The following CEP72 variants were observed in gnomAD, a reference collection of about 807,000 sequenced individuals.
The protein encoded by CEP72 is centrosomal protein 72.
A neutral mutation model predicts 65.7 loss-of-function variants in CEP72; 78 were observed. That is an observed-to-expected ratio of 1.19 (90% CI 0.99 to 1.43). CEP72 has a LOEUF of 1.43. Among genes scored for constraint, CEP72 ranks in the 40% most tolerant of loss-of-function variants. CEP72 has a pLI of 0.00. For missense variants in CEP72, 914 were observed against 832.9 expected, an observed-to-expected ratio of 1.10 and a Z score of -1.20; for synonymous variants, 358 against 351.7, an observed-to-expected ratio of 1.02 and a Z score of -0.20.
chr5:652,202 A>T (rs1356421312), intron 11 of CEP72, among the ~76,000 whole-genome samples: 1 of 152,138 alleles, frequency 6.6e-6, no homozygotes, highest in Non-Finnish European at 1.5e-5. Context: ...TGTGGCCTGG[A>T]TGTGGACAAG....
Position 653,067 on chromosome 5 carries a change from A to G in CEP72, c.1858A>G (p.Met620Val), listed in dbSNP as rs1302838323. Residue 620 changes from methionine to valine, a missense_variant, in exon 12 of 12, where the codon ATG becomes GTG. Coordinates refer to ENST00000264935, the MANE Select transcript of CEP72 (RefSeq NM_018140.4). ...RAQHRAEVEQMHWSYQELKKT... is the reference protein window; with the variant it reads ...RAQHRAEVEQVHWSYQELKKT... ...GCAGCACAGAGCCGAGGTGGAGCAG[A>G]TGCACTGGAGCTACCAGGAGCTCAA... is the stretch of plus-strand genomic sequence containing the variant. 6.2e-7 allele frequency: 1 copy of G among 1,613,806 alleles called. No homozygotes were observed. Among genetic ancestry groups the G allele is most frequent in the African/African-American group, 1.3e-5 (1 of 74,934 alleles).
intron 9 of CEP72, chr5:641,049 A>G: frequency 1.0e-6 from 1 of 985,464 alleles, no homozygotes; most frequent in Non-Finnish European, 1.2e-6. Context: ...GAAAACCTGC[A>G]TTTATCACCT....
chr5:644,152 C>A, intron 9 of CEP72, 147 bp from the exon 10 acceptor site: 1 of 852,482 alleles, frequency 1.2e-6, no homozygotes, highest in Non-Finnish European at 1.9e-6. Flanking sequence ...GGGAGATGTA[C>A]CGTGAAACTG....
chr5:629,881 C>T (rs397834782), intron 4 of CEP72, among the ~76,000 whole-genome samples: 25 of 56,264 alleles, frequency 4.4e-4, no homozygotes, highest in East Asian at 1.2e-3. Context: ...TGTCCAGCGC[C>T]GGGATTTGGC....
rs1406082221 is a variant in CEP72 at position 643,438 on chromosome 5, A to G, written c.1540-861A>G. On this transcript the variant is annotated intron_variant, in intron 9 of 11. Coordinates refer to ENST00000264935, the MANE Select transcript of CEP72 (RefSeq NM_018140.4). ...GCCTGAGGGGAATGGTCTCAGACCC[A>G]GCGATCAGCTTTCACCATGGGCGTC... 7 of 985,356 alleles carry G rather than the reference A, an allele frequency of 7.1e-6. No individual in the cohort carries two copies. The East Asian group carries it at 5.7e-4, about 80-fold the overall frequency. The allele number at this position is 985,356 out of a possible 1,614,324, so 61.0% of individuals were successfully genotyped here.
chr5:619,229 T>A, intron 2 of CEP72, 112 bp downstream of exon 2: 1 of 914,712 alleles, frequency 1.1e-6, no homozygotes, highest in Non-Finnish European at 1.7e-6. Context: ...CTGTATACGG[T>A]ACACTTTGTG....
At position 639,146 on chromosome 5, in the gene CEP72, C is replaced by G; in HGVS notation, c.1264C>G (p.Leu422Val). 1 of 1,612,960 alleles carries G rather than the reference C, an allele frequency of 6.2e-7. No individual in the cohort carries two copies. Among genetic ancestry groups the G allele is most frequent in the East Asian group, 2.2e-5 (1 of 44,872 alleles). ...PGKKTALQAALLETLLDLVDR... is the reference protein window; with the variant it reads ...PGKKTALQAAVLETLLDLVDR... ...GAAGAAGACGGCCCTGCAGGCGGCG[C>G]TCCTGGAGACGCTCTTGGACCTGGT... Residue 422 changes from leucine (L) to valine (V), a missense_variant, in exon 8 of 12, where the codon CTC becomes GTC. By Grantham distance (32) the Leu-to-Val change is conservative (BLOSUM62 1). Coordinates refer to ENST00000264935, the MANE Select transcript of CEP72 (RefSeq NM_018140.4).
the CEP72 span, among the ~76,000 whole-genome samples, chr5:673,956 T>C: frequency 5.9e-5 from 9 of 152,204 alleles, no homozygotes; most frequent in African/African-American, 2.2e-4. Context: ...TGTGTGCACA[T>C]GCGGCCATGT....
In CEP72 at chr5:633,629, G is replaced by A. The variant is rs73734339; in HGVS notation, c.513-140G>A. The A allele has an allele frequency of 2.9e-3, 2,153 of 747,600 alleles. 33 individuals are homozygous for A. In the African/African-American group the frequency reaches 0.033, roughly 12 times the overall value. The allele number at this position is 747,600 out of a possible 1,614,324, so 46.3% of individuals were successfully genotyped here. ...ACTCTTTAGCATCACTGCAGTGGAAGCAACAGGACCCGGCTGCCCCACGTT... is the reference window on the plus strand; with the variant it reads ...ACTCTTTAGCATCACTGCAGTGGAAACAACAGGACCCGGCTGCCCCACGTT... On this transcript the variant is annotated intron_variant, in intron 4 of 11. Transcript: ENST00000264935.
At chr5:640,866 C>G in intron 9 of CEP72, 3 of 985,452 alleles carry the variant, frequency 3.0e-6, no homozygotes, top group Non-Finnish European at 3.6e-6. Context: ...CACCACTGGG[C>G]AGTGCCGGGT....
rs1218369719 is a variant in CEP72, at chr5:623,024, C to G, written c.404-1447C>G. The stretch of plus-strand genomic sequence containing the variant: ...CTGCAGAGAAGGAGCGCAGCCGTCT[C>G]CCCTCTTAGTGTTTCTGTAGAGAAG... On this transcript the variant is annotated intron_variant, in intron 3 of 11. Coordinates refer to ENST00000264935, the MANE Select transcript of CEP72 (RefSeq NM_018140.4). This position sits in a 1 kb window ranked among gnomAD's most constrained non-coding sequence, Gnocchi z 5.3. Among the ~76,000 whole-genome samples, 1 of 150,396 alleles carries G rather than the reference C, an allele frequency of 6.6e-6. No individual in the cohort carries two copies. Among genetic ancestry groups the G allele is most frequent in the Non-Finnish European group, 1.5e-5 (1 of 67,602 alleles).
intron 1 of CEP72, among the ~76,000 whole-genome samples, chr5:614,272 C>G (rs1735855170): frequency 6.6e-6 from 1 of 151,990 alleles, no homozygotes; most frequent in Admixed American, 6.6e-5. Flanking sequence ...TGAGGCAAAA[C>G]TGTAGATTAT....
At chr5:663,948 G>A in intron 2 of CEP72, 1 of 152,786 alleles carries the variant, frequency 6.5e-6, no homozygotes. Flanking sequence ...CTCCCCAGGT[G>A]CAGACAGGCA....
rs1007124968 is a variant in CEP72 at position 647,885 on chromosome 5, GA to G, written c.1748del (p.Glu583GlyfsTer24). 2 of 1,612,490 alleles carry G rather than the reference GA, an allele frequency of 1.2e-6. No homozygotes were observed. The highest frequency in any genetic ancestry group is 1.7e-6 in the Non-Finnish European group (2 of 1,179,876). On this transcript the variant is annotated frameshift_variant, in exon 11 of 12. Coordinates refer to ENST00000264935, the MANE Select transcript of CEP72 (RefSeq NM_018140.4). LOFTEE classifies it high-confidence loss of function. ...QHLEHYDKIQ[E>X]LTQMLQESHS... is the part of the protein sequence containing the mutation. ...CCTGGAGCACTACGACAAGATCCAGGAGCTCACGCAGATGCTGCAGGAGAGC... is the reference window on the plus strand; with the variant it reads ...CCTGGAGCACTACGACAAGATCCAGGGCTCACGCAGATGCTGCAGGAGAGC...
chr5:649,066 G>GGACTGTGCGGTGT (rs1738690948), intron 11 of CEP72, among the ~76,000 whole-genome samples: 1 of 82,714 alleles, frequency 1.2e-5, no homozygotes, highest in Non-Finnish European at 2.6e-5. Flanking sequence ...TGTGAGGTGT[G>GGACTGTGCGGTGT]GACTGTGAGG....
At chr5:658,516 A>G (rs1739445800), downstream of CEP72, among the ~76,000 whole-genome samples, 1 of 151,924 alleles carries the variant, frequency 6.6e-6, no homozygotes, top group Non-Finnish European at 1.5e-5. Context: ...CTTTGCCTCC[A>G]TTTTCTTTTC....
chr5:634,364 T>A (rs1389399056), intron 5 of CEP72, among the ~76,000 whole-genome samples: 6 of 152,214 alleles, frequency 3.9e-5, no homozygotes, highest in Non-Finnish European at 7.3e-5. Flanking sequence ...TCTCGGAGAC[T>A]CCGTTGCCCG....
At chr5:659,552 T>C (rs774486556), downstream of CEP72, among the ~76,000 whole-genome samples, 9 of 151,194 alleles carry the variant, frequency 6.0e-5, no homozygotes, top group Non-Finnish European at 1.2e-4. Context: ...TTGTCCTGTT[T>C]TGGGGGCTCT....
intron 10 of CEP72, 55 bp downstream of exon 10, chr5:644,480 TA>T: frequency 1.3e-6 from 2 of 1,582,706 alleles, no homozygotes; most frequent in South Asian, 2.3e-5. Context: ...CAAATGTGCC[TA>T]GGTAGACTTT....
Sources: allele counts gnomAD v4.1 joint callset (sites outside exome capture counted in the v4.1 genomes callset), GRCh38; gene constraint gnomAD v4.1.1; non-coding constraint Gnocchi (gnomAD v3.1); transcripts MANE v1.5; gene names NCBI Gene and HGNC (gene_info 2026-07-23, HGNC 2026-07-21).